The following TAFA2 variants were observed in gnomAD, a reference collection of about 807,000 sequenced individuals.
The protein encoded by TAFA2 is chemokine-like protein TAFA-2.
Under a neutral mutation model 18.8 loss-of-function variants are expected in TAFA2, and 7 were observed. The ratio of observed to expected loss-of-function variants is 0.37; its 90% CI spans 0.21 to 0.70. The LOEUF is 0.70. Among genes scored for constraint, TAFA2 ranks in the 30% least tolerant of loss-of-function variants. The probability of loss-of-function intolerance (pLI) is 0.53; values close to 1 mark genes in which losing one functional copy is unlikely to be tolerated. For synonymous variants in TAFA2, 60 were observed against 54.2 expected, an observed-to-expected ratio of 1.11 and a Z score of -0.47; for missense variants, 122 against 158.1, an observed-to-expected ratio of 0.77 and a Z score of 1.23.
chr12:62,186,382 T>G (rs1159034236), intron 1 of TAFA2, among the ~76,000 whole-genome samples: 1 of 152,138 alleles, frequency 6.6e-6, no homozygotes, highest in Non-Finnish European at 1.5e-5. Context: ...ACTTTGAACT[T>G]TCCAGGCTTC....
intron 1 of TAFA2, among the ~76,000 whole-genome samples, chr12:62,155,648 C>T (rs2062364016): frequency 1.3e-5 from 2 of 152,112 alleles, no homozygotes; most frequent in Admixed American, 6.6e-5. Flanking sequence ...CAAATACTTA[C>T]AGCCAACTGA....
chr12:61,741,292 G>A (rs915362911), intron 4 of TAFA2, among the ~76,000 whole-genome samples: 13 of 151,596 alleles, frequency 8.6e-5, no homozygotes. Flanking sequence ...GTGAGTGTGT[G>A]TGTGTGTGTG....
intron 1 of TAFA2, among the ~76,000 whole-genome samples, chr12:62,172,015 T>C (rs1338192171): frequency 4.6e-5 from 7 of 152,236 alleles, no homozygotes; most frequent in Admixed American, 2.0e-4. Flanking sequence ...AGAGTGTATC[T>C]GTATTGTCTC....
At chr12:62,045,590 G>A (rs1881888395) in intron 1 of TAFA2, among the ~76,000 whole-genome samples, 1 of 152,112 alleles carries the variant, frequency 6.6e-6, no homozygotes, top group South Asian at 2.1e-4. Context: ...AAGATGTTAT[G>A]CTTTCAAAAT....
intron 1 of TAFA2, among the ~76,000 whole-genome samples, chr12:62,183,770 C>T (rs1423475514): frequency 6.6e-6 from 1 of 152,076 alleles, no homozygotes; most frequent in Non-Finnish European, 1.5e-5. Flanking sequence ...CAGACTTTTC[C>T]AAGGATTATA....
intron 2 of TAFA2, among the ~76,000 whole-genome samples, chr12:61,778,348 T>C (rs1041709290): frequency 1.3e-5 from 2 of 151,806 alleles, no homozygotes; most frequent in African/African-American, 4.8e-5. Flanking sequence ...CTTGAGCTTA[T>C]TACTTCATTA....
At chr12:62,073,303 A>G (rs2136807473) in intron 1 of TAFA2, among the ~76,000 whole-genome samples, 1 of 152,272 alleles carries the variant, frequency 6.6e-6, no homozygotes, top group Admixed American at 6.5e-5. Context: ...CCTCCATTTC[A>G]TCTTTGCATT....
chr12:61,801,336 A>G (rs749050138), intron 2 of TAFA2, among the ~76,000 whole-genome samples: 3 of 152,140 alleles, frequency 2.0e-5, no homozygotes, highest in Non-Finnish European at 4.4e-5. Context: ...AAAAAGAACA[A>G]AGCTGAAGGC....
intron 4 of TAFA2, among the ~76,000 whole-genome samples, chr12:61,738,320 CA>C (rs1565756800): frequency 1.6e-4 from 24 of 149,730 alleles, no homozygotes; most frequent in Non-Finnish European, 2.2e-4. Flanking sequence ...CACACACACA[CA>C]CACACACAAA....
rs78020225 is a variant in TAFA2, at chr12:62,065,914, G to C, written c.-2+125345C>G. 5.6e-3 allele frequency among the ~76,000 whole-genome samples: 856 copies of C among 152,018 alleles called. 3 individuals are homozygous for C. Among genetic ancestry groups the C allele is most frequent in the Non-Finnish European group, 8.0e-3 (544 of 67,868 alleles). ...CAGAGCCATACCACTTTATAAAAAA[G>C]CTGGTTACAATTATTAATATCAATG... On this transcript the variant is annotated intron_variant, in intron 1 of 4. Coordinates refer to ENST00000416284, the MANE Select transcript of TAFA2 (RefSeq NM_178539.5).
chr12:61,903,321 T>C (rs1257889844), intron 1 of TAFA2, among the ~76,000 whole-genome samples: 1 of 152,230 alleles, frequency 6.6e-6, no homozygotes, highest in East Asian at 1.9e-4. Context: ...CAAACTCAAG[T>C]TCTGAAGCCC....
intron 1 of TAFA2, among the ~76,000 whole-genome samples, chr12:62,163,148 C>T (rs568878721): frequency 1.3e-5 from 2 of 152,118 alleles, no homozygotes; most frequent in Non-Finnish European, 2.9e-5. Context: ...AGACTTTCTG[C>T]TCGACTACTA....
At chr12:62,244,443 G>A (rs1218348851) in intron 1 of TAFA2, among the ~76,000 whole-genome samples, 5 of 151,834 alleles carry the variant, frequency 3.3e-5, no homozygotes, top group Admixed American at 2.6e-4. Flanking sequence ...ACAATTTATT[G>A]ACCAAATATG....
intron 4 of TAFA2, among the ~76,000 whole-genome samples, chr12:61,717,636 G>A (rs1869719639): frequency 6.6e-6 from 1 of 152,152 alleles, no homozygotes; most frequent in Non-Finnish European, 1.5e-5. Context: ...ACAGCCTTGG[G>A]TGAGTGGAAA....
At chr12:62,013,733 C>T (rs1880841300) in intron 1 of TAFA2, among the ~76,000 whole-genome samples, 1 of 152,202 alleles carries the variant, frequency 6.6e-6, no homozygotes, top group Non-Finnish European at 1.5e-5. Context: ...ACTACTGAGG[C>T]TTCAAATCTT....
At chr12:61,867,488 T>C in intron 1 of TAFA2, 62 bp from the exon 2 acceptor site, 1 of 992,106 alleles carries the variant, frequency 1.0e-6, no homozygotes. Context: ...CCCTTATGAT[T>C]GTGCTACATG....
chr12:62,184,631 G>A (rs933588950), intron 1 of TAFA2, among the ~76,000 whole-genome samples: 1 of 150,020 alleles, frequency 6.7e-6, no homozygotes, highest in Admixed American at 6.7e-5. Context: ...AAGTAGCTGG[G>A]ACTACAGGCA....
intron 1 of TAFA2, among the ~76,000 whole-genome samples, chr12:62,220,735 C>T (rs1418012480): frequency 6.6e-6 from 1 of 151,920 alleles, no homozygotes; most frequent in East Asian, 1.9e-4. Context: ...CTCAACCTTG[C>T]TATTAATCTA....
chr12:61,892,990 C>T (rs892824196), intron 1 of TAFA2, among the ~76,000 whole-genome samples: 9 of 152,232 alleles, frequency 5.9e-5, no homozygotes, highest in Non-Finnish European at 1.3e-4. Context: ...ACAATCTAGG[C>T]AATCGTAACT....
Sources: gnomAD v4.1 joint callset for allele counts (sites outside exome capture counted in the v4.1 genomes callset) on GRCh38, gnomAD v4.1.1 for gene constraint, MANE v1.5 for transcripts, NCBI Gene and HGNC (gene_info 2026-07-23, HGNC 2026-07-21) for gene names.